PHC3: variants seen among roughly 807,000 people sequenced by gnomAD.
PHC3 encodes polyhomeotic homolog 3, also known as polyhomeotic-like protein 3.
Under a neutral mutation model 107.4 loss-of-function variants are expected in PHC3, and 13 were observed. That is an observed-to-expected ratio of 0.12 (90% confidence interval 0.08 to 0.19). The LOEUF (loss-of-function observed/expected upper bound fraction) is 0.19. Ranked by LOEUF, PHC3 falls within the 10% of genes least tolerant of loss-of-function variation. The pLI, the probability that PHC3 is intolerant of heterozygous loss-of-function variation, is 1.00. For missense variants in PHC3, 992 were observed against 1,210.9 expected (o/e 0.82, Z 2.68); for synonymous variants, 456 against 427.4 (o/e 1.07, Z -0.83).
At position 170,152,193 on chromosome 3, in the gene PHC3, C is replaced by CA. The variant is rs1429209017; in HGVS notation, c.415-2950dup. Among the ~76,000 whole-genome samples the CA allele has an allele frequency of 2.0e-5, 3 of 151,816 alleles. No homozygotes were observed. The East Asian group carries it at 5.8e-4, about 29-fold the overall frequency. On this transcript the variant is annotated intron_variant, in intron 4 of 14. Coordinates refer to ENST00000495893, the MANE Select transcript of PHC3 (RefSeq NM_024947.4). Reference sequence around the variant, plus strand: ...TTTGTTTTGTTTTGTTTTTTTGAGACAGAGTCTCGCTCTGTCGCCCAGGCT... The same window carrying CA: ...TTTGTTTTGTTTTGTTTTTTTGAGACAAGAGTCTCGCTCTGTCGCCCAGGCT...
At chr3:170,115,877 T>TCTCACACACACACA (rs1553782582) in intron 10 of PHC3, among the ~76,000 whole-genome samples, 8 of 148,572 alleles carry the variant, frequency 5.4e-5, no homozygotes, top group South Asian at 2.2e-4. Context: ...TCCAAGTTTC[T>TCTCACACACACACA]CACACACACA....
intron 4 of PHC3, among the ~76,000 whole-genome samples, chr3:170,163,859 T>A: frequency 1.4e-5 from 1 of 71,926 alleles, no homozygotes; most frequent in East Asian, 5.6e-4. Context: ...CAAGACTCTG[T>A]CCAAAAAAAA....
chr3:170,091,728 G>A lies in PHC3; in HGVS notation c.*5502C>T, dbSNP rs1714105520. The A allele has an allele frequency of 1.3e-5, 2 of 152,012 alleles. No individual in the cohort carries two copies. Among genetic ancestry groups the A allele is most frequent in the African/African-American group, 2.4e-5 (1 of 41,398 alleles). 9.4% of individuals were successfully genotyped at this position (152,012 alleles called of 1,614,324 possible). A position where few individuals can be genotyped will look rare whatever the true frequency, so the allele number is the denominator to read the frequency against. ...TAGAAAAAGCCATATTCTCTGGAAT[G>A]TGATGGTAATAATTATATTTGTATT... On this transcript the variant is annotated 3_prime_UTR_variant, in exon 15 of 15. Coordinates refer to ENST00000495893, the MANE Select transcript of PHC3 (RefSeq NM_024947.4).
chr3:170,105,247 T>C (rs1267524131), intron 12 of PHC3, among the ~76,000 whole-genome samples: 1 of 152,220 alleles, frequency 6.6e-6, no homozygotes, highest in Non-Finnish European at 1.5e-5. Flanking sequence ...CCATTGTTCT[T>C]TCTTGTGGTA....
chr3:170,179,467 A>AT (rs1240249590), intron 1 of PHC3, among the ~76,000 whole-genome samples: 2 of 152,290 alleles, frequency 1.3e-5, no homozygotes, highest in African/African-American at 4.8e-5. Flanking sequence ...TTAAAAAGTA[A>AT]TTTTTTTAAC....
In PHC3 at chr3:170,091,839, T is replaced by C. The variant is rs1714126110; in HGVS notation, c.*5391A>G. On this transcript the variant is annotated 3_prime_UTR_variant, in exon 15 of 15. Transcript: ENST00000495893. ...GGATTAGGTTCTAAAAACTAATATG[T>C]AAAACTTTGAAAATTCTTAAAAATT... is the stretch of plus-strand genomic sequence containing the variant. 1 of 152,210 alleles carries C rather than the reference T, an allele frequency of 6.6e-6. No homozygotes were observed. Among genetic ancestry groups the C allele is most frequent in the Non-Finnish European group, 1.5e-5 (1 of 68,030 alleles). 9.4% of individuals were successfully genotyped at this position (152,210 alleles called of 1,614,324 possible). A position where few individuals can be genotyped will look rare whatever the true frequency, so the allele number is the denominator to read the frequency against.
chr3:170,169,906 A>G (rs1391105074), intron 4 of PHC3: 1 of 152,208 alleles, frequency 6.6e-6, no homozygotes, highest in East Asian at 1.9e-4. Flanking sequence ...AAGACATCTG[A>G]TGTCAATGAC....
At chr3:170,134,186 G>A (rs546285108) in intron 7 of PHC3, among the ~76,000 whole-genome samples, 31 of 151,430 alleles carry the variant, frequency 2.0e-4, no homozygotes, top group Non-Finnish European at 4.1e-4. Flanking sequence ...ACTATACTAC[G>A]AATATATATA....
chr3:170,152,421 C>T (rs1463353913), intron 4 of PHC3, among the ~76,000 whole-genome samples: 1 of 149,388 alleles, frequency 6.7e-6, no homozygotes. Context: ...CTCCTGACCT[C>T]ACGATCCCTC....
intron 14 of PHC3, among the ~76,000 whole-genome samples, chr3:170,099,923 A>C (rs1398923805): frequency 6.6e-6 from 1 of 152,244 alleles, no homozygotes; most frequent in Non-Finnish European, 1.5e-5. Flanking sequence ...TCTCTGCAAA[A>C]GGCAGTTCAC....
At chr3:170,171,584 A>G (rs993588853) in intron 3 of PHC3, 134 bp from the exon 4 acceptor site, 1 of 619,172 alleles carries the variant, frequency 1.6e-6, no homozygotes, top group Admixed American at 3.8e-5. Context: ...TATAGTCAAC[A>G]TGGCTTAAGC....
intron 7 of PHC3, among the ~76,000 whole-genome samples, chr3:170,133,441 T>C (rs142157112): frequency 1.6e-4 from 24 of 152,236 alleles, no homozygotes; most frequent in African/African-American, 5.8e-4. Context: ...CCTCCCAAAG[T>C]GCTGGGATTA....
intron 2 of PHC3, among the ~76,000 whole-genome samples, 165 bp downstream of exon 2, chr3:170,178,608 T>C (rs527709865): frequency 1.7e-4 from 26 of 152,352 alleles, no homozygotes; most frequent in African/African-American, 5.8e-4. Context: ...TTACACAGTC[T>C]TGGTATTCTG....
chr3:170,136,327 C>G, intron 7 of PHC3, 92 bp downstream of exon 7: 1 of 1,435,088 alleles, frequency 7.0e-7, no homozygotes, highest in Non-Finnish European at 9.6e-7. Flanking sequence ...TTAAAGGTGT[C>G]ACTCCTGTTC....
intron 8 of PHC3, among the ~76,000 whole-genome samples, chr3:170,123,525 C>T (rs1720757402): frequency 6.6e-6 from 1 of 152,056 alleles, no homozygotes; most frequent in Non-Finnish European, 1.5e-5. Context: ...TGCAGTGGCT[C>T]GTGCCTGCAA....
At chr3:170,119,830 T>TAAAA (rs577407226) in intron 9 of PHC3, among the ~76,000 whole-genome samples, 44 of 144,450 alleles carry the variant, frequency 3.0e-4, no homozygotes, top group African/African-American at 9.8e-4. Context: ...TGAGTTACTG[T>TAAAA]AAAAAAAAAA....
intron 2 of PHC3, among the ~76,000 whole-genome samples, chr3:170,177,992 C>A (rs1313194824): frequency 6.6e-6 from 1 of 151,262 alleles, no homozygotes; most frequent in Non-Finnish European, 1.5e-5. Flanking sequence ...TATTAATTAA[C>A]TTTGTTGGCT....
chr3:170,156,913 A>C (rs1400847804), intron 4 of PHC3, among the ~76,000 whole-genome samples: 1 of 152,180 alleles, frequency 6.6e-6, no homozygotes, highest in East Asian at 1.9e-4. Context: ...GTGTTTTTTA[A>C]TAAATCAAAG....
At chr3:170,176,540 G>A (rs1171970026) in intron 2 of PHC3, among the ~76,000 whole-genome samples, 3 of 152,154 alleles carry the variant, frequency 2.0e-5, no homozygotes, top group Admixed American at 2.0e-4. Flanking sequence ...AGAATTCACA[G>A]AGTGGTTAAG....
Sources: allele counts gnomAD v4.1 joint callset (sites outside exome capture counted in the v4.1 genomes callset), GRCh38; gene constraint gnomAD v4.1.1; transcripts MANE v1.5; gene names NCBI Gene and HGNC (gene_info 2026-07-23, HGNC 2026-07-21).